The following NEGR1 variants were observed in gnomAD, a reference collection of about 807,000 sequenced individuals.
The protein encoded by NEGR1 is neuronal growth regulator 1.
Under a neutral mutation model 40.9 loss-of-function variants are expected in NEGR1, and 10 were observed. The observed-to-expected ratio is 0.24, with a 90% confidence interval of 0.15 to 0.42. The LOEUF is 0.42. NEGR1 is among the 10% of genes least tolerant of loss of function. NEGR1 has a pLI of 1.00. For missense variants in NEGR1, 352 were observed against 438.9 expected (o/e 0.80, Z 1.77); for synonymous variants, 185 against 166.8 (o/e 1.11, Z -0.84).
chr1:71,642,675 G>A (rs1471084868), intron 4 of NEGR1, among the ~76,000 whole-genome samples: 2 of 151,728 alleles, frequency 1.3e-5, no homozygotes, highest in African/African-American at 4.8e-5. Context: ...TTGTTGCTTT[G>A]TTTAATCTGC....
At chr1:71,751,323 T>G (rs905481188) in intron 3 of NEGR1, among the ~76,000 whole-genome samples, 7 of 152,204 alleles carry the variant, frequency 4.6e-5, no homozygotes, top group Admixed American at 4.6e-4. Flanking sequence ...TAGTGCTTAT[T>G]ATAGTTTAGA....
In NEGR1 at chr1:71,563,047, A is replaced by T. The variant is rs1239350234; in HGVS notation, c.940+29770T>A. Reference sequence around the variant, plus strand: ...AGAAGGCCTTGCACATTATCTAAAAATGGGTATAAATGTGTAATCCTCTCA... The same window carrying T: ...AGAAGGCCTTGCACATTATCTAAAATTGGGTATAAATGTGTAATCCTCTCA... On this transcript the variant is annotated intron_variant, in intron 6 of 6. Transcript: ENST00000357731. 3.3e-5 allele frequency among the ~76,000 whole-genome samples: 5 copies of T among 152,144 alleles called. No individual in the cohort carries two copies. In the East Asian group the frequency reaches 9.7e-4, roughly 29 times the overall value.
chr1:71,805,636 T>A (rs1026394210), intron 2 of NEGR1, among the ~76,000 whole-genome samples: 10 of 152,214 alleles, frequency 6.6e-5, no homozygotes, highest in African/African-American at 2.4e-4. Context: ...TGTATTTAGC[T>A]AGATATTTCA....
intron 3 of NEGR1, among the ~76,000 whole-genome samples, chr1:71,730,569 T>TTATATATATATA (rs56382019): frequency 0.01 from 1,379 of 134,640 alleles, 16 homozygotes; most frequent in East Asian, 0.044. Context: ...TAGTATAAAT[T>TTATATATATATA]TATATATATA....
chr1:72,245,858 T>C (rs1193726982), intron 1 of NEGR1, among the ~76,000 whole-genome samples: 1 of 152,170 alleles, frequency 6.6e-6, no homozygotes, highest in East Asian at 1.9e-4. Flanking sequence ...TTTTGCAATC[T>C]AGTACTCTTA....
intron 1 of NEGR1, among the ~76,000 whole-genome samples, chr1:71,985,836 C>T (rs1646389709): frequency 6.6e-6 from 1 of 152,108 alleles, no homozygotes. Flanking sequence ...TTTATTCATT[C>T]TCTAATTGGT....
chr1:72,028,116 C>T (rs1196558674), intron 1 of NEGR1, among the ~76,000 whole-genome samples: 1 of 152,174 alleles, frequency 6.6e-6, no homozygotes, highest in Admixed American at 6.5e-5. Context: ...AACCAATTAT[C>T]TTGAAGTCTT....
chr1:71,706,454 C>T (rs2101637930), intron 3 of NEGR1, among the ~76,000 whole-genome samples: 1 of 151,138 alleles, frequency 6.6e-6, no homozygotes, highest in East Asian at 2.0e-4. Context: ...GAACTAGGCC[C>T]AGACACAGTG....
At chr1:71,850,192 G>A (rs1298493906) in intron 2 of NEGR1, among the ~76,000 whole-genome samples, 3 of 151,980 alleles carry the variant, frequency 2.0e-5, no homozygotes, top group Non-Finnish European at 1.5e-5. Context: ...TTTTTGCTCT[G>A]TCATCCAGAC....
chr1:72,261,257 A>C (rs1655444902), intron 1 of NEGR1, among the ~76,000 whole-genome samples: 1 of 152,126 alleles, frequency 6.6e-6, no homozygotes, highest in African/African-American at 2.4e-5. Flanking sequence ...ACTTAAGTTC[A>C]TAACCAATTT....
At chr1:71,774,867 A>G (rs1656448467) in intron 3 of NEGR1, among the ~76,000 whole-genome samples, 1 of 152,192 alleles carries the variant, frequency 6.6e-6, no homozygotes, top group African/African-American at 2.4e-5. Flanking sequence ...TGTTTTGATG[A>G]TGACTAAGGT....
Position 71,429,862 on chromosome 1 carries a change from G to A in NEGR1, c.941-22292C>T, listed in dbSNP as rs78233083. On this transcript the variant is annotated intron_variant, in intron 6 of 6. Transcript: ENST00000357731. Reference sequence around the variant, plus strand: ...GTTTTAAAGTAAAAATATACTTTATGGATTACCCATACTTACTTATGAAGG... The same window carrying A: ...GTTTTAAAGTAAAAATATACTTTATAGATTACCCATACTTACTTATGAAGG... Among the ~76,000 whole-genome samples, 674 of 152,246 alleles carry A rather than the reference G, an allele frequency of 4.4e-3. 5 individuals are homozygous for A. Among genetic ancestry groups the A allele is most frequent in the African/African-American group, 0.016 (651 of 41,516 alleles).
intron 2 of NEGR1, among the ~76,000 whole-genome samples, chr1:71,818,903 A>C (rs1459795190): frequency 6.6e-6 from 1 of 151,982 alleles, no homozygotes; most frequent in Non-Finnish European, 1.5e-5. Context: ...TGTTACTACT[A>C]GAAGTATTTG....
At chr1:72,212,215 T>A (rs369976011) in intron 1 of NEGR1, among the ~76,000 whole-genome samples, 2 of 150,042 alleles carry the variant, frequency 1.3e-5, no homozygotes, top group African/African-American at 2.5e-5. Flanking sequence ...TTAAACTTTA[T>A]CAATTGATGT....
intron 2 of NEGR1, among the ~76,000 whole-genome samples, chr1:71,916,408 C>A (rs1247857343): frequency 7.2e-5 from 11 of 151,884 alleles, no homozygotes; most frequent in Admixed American, 2.6e-4. Flanking sequence ...TAAAAAATAC[C>A]CATTCATCAT....
At chr1:72,127,911 A>G (rs1650093273) in intron 1 of NEGR1, among the ~76,000 whole-genome samples, 1 of 152,184 alleles carries the variant, frequency 6.6e-6, no homozygotes, top group Non-Finnish European at 1.5e-5. Flanking sequence ...GAAAAAACAA[A>G]ACAAACAAAA....
intron 3 of NEGR1, among the ~76,000 whole-genome samples, chr1:71,723,564 A>G (rs1231282071): frequency 6.6e-6 from 1 of 152,066 alleles, no homozygotes; most frequent in Non-Finnish European, 1.5e-5. Flanking sequence ...AGACATCCAC[A>G]TGCCAGGACT....
At chr1:71,457,582 G>T (rs1383959100) in intron 6 of NEGR1, among the ~76,000 whole-genome samples, 1 of 152,168 alleles carries the variant, frequency 6.6e-6, no homozygotes, top group Non-Finnish European at 1.5e-5. Flanking sequence ...TTTTTATTGC[G>T]AATTCAGCGA....
intron 1 of NEGR1, among the ~76,000 whole-genome samples, chr1:72,023,508 C>T (rs906364566): frequency 6.6e-6 from 1 of 151,618 alleles, no homozygotes; most frequent in African/African-American, 2.4e-5. Context: ...GCCCAACCAG[C>T]CTGTTTTTGT....
Sources: allele counts gnomAD v4.1 joint callset (sites outside exome capture counted in the v4.1 genomes callset), GRCh38; gene constraint gnomAD v4.1.1; transcripts MANE v1.5; gene names NCBI Gene and HGNC (gene_info 2026-07-23, HGNC 2026-07-21).